CTNNA3: variants seen among roughly 807,000 people sequenced by gnomAD.
CTNNA3 encodes catenin alpha-3.
CTNNA3 carries 76 observed loss-of-function variants against 95.7 expected under a neutral mutation model. That is an observed-to-expected ratio of 0.79 (90% CI 0.66 to 0.96). CTNNA3 has a LOEUF of 0.96. CTNNA3 is among the 40% of genes least tolerant of loss of function. The pLI is 0.00. For missense variants in CTNNA3, 1,191 were observed against 1,089.8 expected, an observed-to-expected ratio of 1.09 and a Z score of -1.31; for synonymous variants, 431 against 374.4, an observed-to-expected ratio of 1.15 and a Z score of -1.74.
intron 7 of CTNNA3, among the ~76,000 whole-genome samples, chr10:67,165,479 T>C (rs1357805328): frequency 1.3e-5 from 2 of 152,276 alleles, no homozygotes; most frequent in Non-Finnish European, 2.9e-5. Flanking sequence ...AACCCATATA[T>C]GTGATAAAAC....
intron 9 of CTNNA3, among the ~76,000 whole-genome samples, chr10:66,624,182 G>A (rs1844850417): frequency 6.6e-6 from 1 of 152,134 alleles, no homozygotes; most frequent in South Asian, 2.1e-4. Flanking sequence ...ATTTGGGTTT[G>A]AACCCAGTTC....
intron 7 of CTNNA3, among the ~76,000 whole-genome samples, chr10:67,092,733 T>G (rs891282169): frequency 6.6e-6 from 1 of 152,008 alleles, no homozygotes; most frequent in Non-Finnish European, 1.5e-5. Context: ...ACCATCTAAC[T>G]TTGTACTTTT....
At chr10:67,700,861 G>C (rs1841033351), upstream of CTNNA3, among the ~76,000 whole-genome samples, 2 of 152,176 alleles carry the variant, frequency 1.3e-5, no homozygotes, top group South Asian at 4.1e-4. Flanking sequence ...CAAAGGCAAA[G>C]AAGTTGAAAA....
chr10:66,787,843 T>A (rs1840809987), intron 7 of CTNNA3, among the ~76,000 whole-genome samples: 1 of 152,220 alleles, frequency 6.6e-6, no homozygotes, highest in African/African-American at 2.4e-5. Context: ...GTGCAGAGAT[T>A]TCTAAAGTAA....
chr10:66,478,941 T>G (rs1839419603), intron 11 of CTNNA3, among the ~76,000 whole-genome samples: 1 of 151,904 alleles, frequency 6.6e-6, no homozygotes, highest in African/African-American at 2.4e-5. Context: ...TTCCCCCTTA[T>G]AGATAATAAT....
intron 3 of CTNNA3, among the ~76,000 whole-genome samples, chr10:67,554,202 T>C (rs1292187847): frequency 1.3e-5 from 2 of 152,216 alleles, no homozygotes; most frequent in African/African-American, 4.8e-5. Context: ...CTATTGTGAA[T>C]AGTGCCACAA....
At chr10:66,749,263 G>C (rs1306573026) in intron 9 of CTNNA3, among the ~76,000 whole-genome samples, 3 of 150,564 alleles carry the variant, frequency 2.0e-5, no homozygotes, top group Non-Finnish European at 4.4e-5. Flanking sequence ...TATTCTCCTG[G>C]TGTTGTACAT....
At chr10:66,969,858 C>T (rs1849623583) in intron 7 of CTNNA3, among the ~76,000 whole-genome samples, 2 of 152,104 alleles carry the variant, frequency 1.3e-5, no homozygotes, top group Non-Finnish European at 2.9e-5. Context: ...TATATTTCCA[C>T]AACATGGAGA....
intron 10 of CTNNA3, among the ~76,000 whole-genome samples, chr10:66,614,808 T>C (rs1419396093): frequency 6.6e-6 from 1 of 151,960 alleles, no homozygotes; most frequent in Non-Finnish European, 1.5e-5. Context: ...GAACCACATA[T>C]TTTAGAACCA....
chr10:66,845,713 A>AAAAAC (rs1554862157), intron 7 of CTNNA3, among the ~76,000 whole-genome samples: 3 of 123,396 alleles, frequency 2.4e-5, no homozygotes, highest in African/African-American at 9.0e-5. Context: ...CAAAAAAAAA[A>AAAAAC]AAAAAAAAAA....
intron 11 of CTNNA3, among the ~76,000 whole-genome samples, chr10:66,471,306 A>G (rs1163463901): frequency 1.3e-5 from 2 of 151,744 alleles, no homozygotes; most frequent in African/African-American, 4.8e-5. Flanking sequence ...GTATTATTAT[A>G]TCTTTCTTAT....
At chr10:66,500,560 C>T (rs1013412557) in intron 11 of CTNNA3, among the ~76,000 whole-genome samples, 1 of 151,934 alleles carries the variant, frequency 6.6e-6, no homozygotes, top group Non-Finnish European at 1.5e-5. Flanking sequence ...TGAAATTTCC[C>T]ATATAGTTAG....
chr10:66,615,841 A>G (rs1844491851), intron 10 of CTNNA3, among the ~76,000 whole-genome samples: 1 of 151,984 alleles, frequency 6.6e-6, no homozygotes, highest in African/African-American at 2.4e-5. Flanking sequence ...TCGTTTCACT[A>G]TATGCTCGTG....
chr10:67,259,060 GCT>G (rs1221388353), intron 5 of CTNNA3, among the ~76,000 whole-genome samples: 1 of 151,954 alleles, frequency 6.6e-6, no homozygotes, highest in Non-Finnish European at 1.5e-5. Context: ...GTTGCGTTGT[GCT>G]CTTTTTCCCC....
Position 66,559,389 on chromosome 10 carries a change from A to G in CTNNA3, c.1375-38616T>C, listed in dbSNP as rs560307727. Among the ~76,000 whole-genome samples, 145 of 146,158 alleles carry G rather than the reference A, an allele frequency of 9.9e-4. 1 individual carries two copies. Among genetic ancestry groups the G allele is most frequent in the Middle Eastern group, 6.8e-3 (2 of 294 alleles). ...CCATTTTTTTCCTCACTTGTTCTCA[A>G]TGAGGCACAATATTGCCTCCTTCCA... is the stretch of plus-strand genomic sequence containing the variant. On this transcript the variant is annotated intron_variant, in intron 10 of 17. Transcript: ENST00000433211.
At chr10:67,051,321 T>C (rs1180580920) in intron 7 of CTNNA3, among the ~76,000 whole-genome samples, 2 of 152,156 alleles carry the variant, frequency 1.3e-5, no homozygotes, top group Non-Finnish European at 2.9e-5. Context: ...AATTGTACTC[T>C]ATGTCTTATC....
At chr10:67,483,873 A>C (rs1359455093) in intron 5 of CTNNA3, among the ~76,000 whole-genome samples, 5 of 152,128 alleles carry the variant, frequency 3.3e-5, no homozygotes, top group Non-Finnish European at 1.5e-5. Context: ...ATAGGAAGAA[A>C]TCAATATTAT....
chr10:66,432,751 C>T (rs1185823043), intron 11 of CTNNA3, among the ~76,000 whole-genome samples: 2 of 151,964 alleles, frequency 1.3e-5, no homozygotes, highest in Non-Finnish European at 2.9e-5. Context: ...GTTTGATGCA[C>T]CCATCAACTC....
At chr10:67,134,004 T>A (rs901743900) in intron 7 of CTNNA3, among the ~76,000 whole-genome samples, 2 of 152,064 alleles carry the variant, frequency 1.3e-5, no homozygotes, top group Non-Finnish European at 2.9e-5. Context: ...TTTTTATAGA[T>A]GAAAAGACTA....
Sources: gnomAD v4.1 joint callset for allele counts (sites outside exome capture counted in the v4.1 genomes callset) on GRCh38, gnomAD v4.1.1 for gene constraint, MANE v1.5 for transcripts, NCBI Gene and HGNC (gene_info 2026-07-23, HGNC 2026-07-21) for gene names.